The following DNAH12 variants were observed in gnomAD, a reference collection of about 807,000 sequenced individuals.
DNAH12 encodes the protein dynein axonemal heavy chain 12.
A neutral mutation model predicts 371.5 loss-of-function variants in DNAH12; 285 were observed. The ratio of observed to expected loss-of-function variants is 0.77; its 90% CI spans 0.70 to 0.85. The LOEUF is 0.85. Ranked by LOEUF, DNAH12 falls within the 40% of genes least tolerant of loss-of-function variation. DNAH12 has a pLI of 0.00. For missense variants in DNAH12, 3,611 were observed against 3,689.4 expected, an observed-to-expected ratio of 0.98 and a Z score of 0.55; for synonymous variants, 1,200 against 1,213.0, an observed-to-expected ratio of 0.99 and a Z score of 0.22.
At chr3:57,509,565 A>G (rs574353518) in intron 5 of DNAH12, among the ~76,000 whole-genome samples, 2 of 152,196 alleles carry the variant, frequency 1.3e-5, no homozygotes, top group East Asian at 3.9e-4. Context: ...AGTTCAAGAG[A>G]TTACGCGACA....
intron 12 of DNAH12, among the ~76,000 whole-genome samples, chr3:57,487,467 C>T (rs536709122): frequency 6.6e-6 from 1 of 150,904 alleles, no homozygotes; most frequent in South Asian, 2.1e-4. Flanking sequence ...TGCAAAAAGA[C>T]AGATAATCCT....
At chr3:57,503,050 G>C (rs2067614238) in intron 9 of DNAH12, among the ~76,000 whole-genome samples, 1 of 152,146 alleles carries the variant, frequency 6.6e-6, no homozygotes, top group Non-Finnish European at 1.5e-5. Context: ...AAAATAACTT[G>C]ACATAAAATA....
intron 62 of DNAH12, among the ~76,000 whole-genome samples, chr3:57,332,336 A>C (rs2062118119): frequency 6.6e-6 from 1 of 152,216 alleles, no homozygotes; most frequent in South Asian, 2.1e-4. Flanking sequence ...GACATGTACA[A>C]AATTTTCTGC....
intron 69 of DNAH12, among the ~76,000 whole-genome samples, 154 bp from the exon 70 acceptor site, chr3:57,302,093 G>A (rs1269259177): frequency 2.0e-5 from 3 of 152,116 alleles, no homozygotes; most frequent in African/African-American, 7.2e-5. Context: ...CTAATGTTAA[G>A]TGATACATGT....
intron 59 of DNAH12, among the ~76,000 whole-genome samples, chr3:57,353,513 C>T (rs1001307030): frequency 2.0e-5 from 3 of 152,032 alleles, no homozygotes; most frequent in Admixed American, 6.5e-5. Flanking sequence ...CAGGCTGTCA[C>T]TTTCTTTAAA....
the DNAH12 span, among the ~76,000 whole-genome samples, chr3:57,549,562 T>TTC: frequency 6.6e-6 from 1 of 151,538 alleles, no homozygotes; most frequent in African/African-American, 2.4e-5. Flanking sequence ...CACAATCTGT[T>TTC]TCTCTCTCTC....
intron 62 of DNAH12, among the ~76,000 whole-genome samples, chr3:57,329,255 T>C (rs1283929461): frequency 7.2e-6 from 1 of 139,088 alleles, no homozygotes; most frequent in African/African-American, 3.0e-5. Context: ...CATTGCCAAG[T>C]CAATCCTAAG....
intron 60 of DNAH12, among the ~76,000 whole-genome samples, chr3:57,338,536 GTC>G (rs2062296445): frequency 6.7e-6 from 1 of 148,710 alleles, no homozygotes; most frequent in Non-Finnish European, 1.5e-5. Context: ...GGTGAGGAGC[GTC>G]TCTGCCCGGC....
chr3:57,459,708 C>G lies in DNAH12; in HGVS notation c.2815G>C (p.Glu939Gln), dbSNP rs1559684489. ...LKVQAQWLYL[E>Q]PIFCSEDIMQ... ...ATATCCTCAGAACAAAAGATGGGCT[C>G]TAAGTACAGCCATTGAGCTTGTACT... Residue 939 changes from glutamate to glutamine, a missense_variant, in exon 20 of 74, where the codon GAG becomes CAG. Around this residue, in one of 3 missense-constraint regions of DNAH12, gnomAD observed 1,314 missense variants for 1,398.7 expected, o/e 0.94. Coordinates refer to ENST00000495027, the MANE Select transcript of DNAH12 (RefSeq NM_001366028.2). 6 of 1,547,952 alleles carry G rather than the reference C, an allele frequency of 3.9e-6. No individual in the cohort carries two copies. In the African/African-American group the frequency reaches 5.5e-5, roughly 14 times the overall value.
intron 10 of DNAH12, among the ~76,000 whole-genome samples, chr3:57,501,690 A>T (rs2067552846): frequency 6.6e-6 from 1 of 152,242 alleles, no homozygotes; most frequent in Non-Finnish European, 1.5e-5. Flanking sequence ...GGTTAATAGA[A>T]TGTCAAAGAA....
chr3:57,512,093 T>A (rs570532071), intron 4 of DNAH12, among the ~76,000 whole-genome samples: 6 of 151,982 alleles, frequency 3.9e-5, no homozygotes, highest in East Asian at 1.9e-4. Flanking sequence ...AATGTTTGCA[T>A]AACAAAAACA....
Position 57,471,510 on chromosome 3 carries a change from C to A in DNAH12, c.1873G>T (p.Glu625Ter), listed in dbSNP as rs2066368000. The change falls in exon 15 of 74, where the codon GAG (glutamate) becomes TAG (stop). Residue 625 changes from glutamate (E) to a stop codon, truncating the protein, a stop_gained. Coordinates refer to ENST00000495027, the MANE Select transcript of DNAH12 (RefSeq NM_001366028.2). LOFTEE classifies it high-confidence loss of function. ...TCCAGCTCTGCAAATTCTGTAAACT[C>A]CTCCATGCGGCGTGATTCTTTTTCT... ...EIEKESRRME[E>*]FTEFAELERM... The A allele has an allele frequency of 6.5e-7, 1 of 1,548,718 alleles. No homozygotes were observed. Among genetic ancestry groups the A allele is most frequent in the African/African-American group, 1.4e-5 (1 of 73,004 alleles).
chr3:57,535,080 T>C (rs1440853981), intron 2 of DNAH12, among the ~76,000 whole-genome samples: 1 of 152,222 alleles, frequency 6.6e-6, no homozygotes, highest in Non-Finnish European at 1.5e-5. Flanking sequence ...AACATGAAGA[T>C]AAATTAGGTA....
intron 53 of DNAH12, among the ~76,000 whole-genome samples, 154 bp from the exon 54 acceptor site, chr3:57,376,119 C>T (rs1462874436): frequency 6.6e-6 from 1 of 151,858 alleles, no homozygotes; most frequent in Non-Finnish European, 1.5e-5. Flanking sequence ...ACCCTTCTAG[C>T]TCTTATACGC....
intron 69 of DNAH12, among the ~76,000 whole-genome samples, chr3:57,302,925 T>C (rs2061391728): frequency 6.6e-6 from 1 of 151,884 alleles, no homozygotes; most frequent in African/African-American, 2.4e-5. Flanking sequence ...GTCTAGCTAA[T>C]GTTTATTCTG....
chr3:57,541,872 T>C (rs1405800744), intron 2 of DNAH12, among the ~76,000 whole-genome samples: 1 of 152,066 alleles, frequency 6.6e-6, no homozygotes, highest in Non-Finnish European at 1.5e-5. Context: ...TTGGCAATGA[T>C]ACTTAGCTGC....
chr3:57,413,464 G>A (rs1553683610), intron 39 of DNAH12, among the ~76,000 whole-genome samples: 1 of 152,048 alleles, frequency 6.6e-6, no homozygotes, highest in African/African-American at 2.4e-5. Context: ...ATATACCAAC[G>A]CAGGCTTATC....
intron 39 of DNAH12, 83 bp downstream of exon 39, chr3:57,413,663 G>GAA: frequency 7.2e-7 from 1 of 1,392,510 alleles, no homozygotes; most frequent in Non-Finnish European, 9.6e-7. Flanking sequence ...TAAATATCTT[G>GAA]AAAAATGTAT....
intron 55 of DNAH12, among the ~76,000 whole-genome samples, chr3:57,370,474 T>G (rs1049600401): frequency 1.4e-4 from 22 of 152,298 alleles, no homozygotes; most frequent in Non-Finnish European, 2.6e-4. Context: ...TGAGGAAGCT[T>G]GAACCCAAAT....
Sources: gnomAD v4.1 joint callset for allele counts (sites outside exome capture counted in the v4.1 genomes callset) on GRCh38, gnomAD v4.1.1 for gene constraint, gnomAD v4.1.1 regional missense constraint, MANE v1.5 for transcripts, NCBI Gene and HGNC (gene_info 2026-07-23, HGNC 2026-07-21) for gene names.